CDK19: variants seen among roughly 807,000 people sequenced by gnomAD.
CDK19 encodes the protein cyclin dependent kinase 19.
A neutral mutation model predicts 68.3 loss-of-function variants in CDK19; 20 were observed. The observed-to-expected ratio is 0.29, with a 90% CI of 0.21 to 0.43. The LOEUF (loss-of-function observed/expected upper bound fraction) is 0.43, where lower values mean the gene tolerates loss of function less well. Ranked by LOEUF, CDK19 falls within the 20% of genes least tolerant of loss-of-function variation. CDK19 has a pLI of 1.00. For missense variants in CDK19, 339 were observed against 623.5 expected (o/e 0.54, Z 4.86); for synonymous variants, 221 against 222.8 (o/e 0.99, Z 0.07).
At chr6:110,767,743 TA>T (rs1314665513) in intron 1 of CDK19, among the ~76,000 whole-genome samples, 1 of 152,114 alleles carries the variant, frequency 6.6e-6, no homozygotes, top group East Asian at 1.9e-4. Flanking sequence ...ATTTGATCAT[TA>T]CACATTGTAT....
At chr6:110,744,940 G>A (rs1421441694) in intron 2 of CDK19, among the ~76,000 whole-genome samples, 3 of 152,174 alleles carry the variant, frequency 2.0e-5, no homozygotes, top group Non-Finnish European at 4.4e-5. Context: ...ACATGGAACT[G>A]TGGGCAATAT....
intron 2 of CDK19, among the ~76,000 whole-genome samples, chr6:110,721,264 T>C (rs372218260): frequency 6.6e-6 from 1 of 151,758 alleles, no homozygotes; most frequent in Admixed American, 6.6e-5. Flanking sequence ...AATTAATTAA[T>C]TAATTAATAA....
intron 2 of CDK19, among the ~76,000 whole-genome samples, chr6:110,739,001 T>C (rs1766548668): frequency 1.3e-5 from 2 of 152,206 alleles, no homozygotes; most frequent in East Asian, 1.9e-4. Context: ...GATGGATATA[T>C]ACACTGAGAA....
intron 2 of CDK19, among the ~76,000 whole-genome samples, chr6:110,740,780 G>A (rs1777597989): frequency 6.6e-6 from 1 of 152,110 alleles, no homozygotes; most frequent in Admixed American, 6.6e-5. Context: ...TAATATAATG[G>A]TATGTAGAAG....
chr6:110,728,156 C>T (rs1035582304), intron 2 of CDK19, among the ~76,000 whole-genome samples: 11 of 151,932 alleles, frequency 7.2e-5, no homozygotes, highest in African/African-American at 1.7e-4. Context: ...GGCATGGTGG[C>T]GTGCACCTGT....
At chr6:110,752,535 CCTTTT>C (rs1034000509) in intron 1 of CDK19, among the ~76,000 whole-genome samples, 41 of 152,296 alleles carry the variant, frequency 2.7e-4, no homozygotes, top group African/African-American at 8.7e-4. Flanking sequence ...GCTTTCCTTT[CCTTTT>C]CTGACAAAAA....
Position 110,781,119 on chromosome 6 carries a change from C to T in CDK19, c.128+33890G>A, listed in dbSNP as rs142929053. Reference sequence around the variant, plus strand: ...CGTTGCTATAAAGGAATACCTCAAACTGGCTAATTTATAAAGAAAAGAATT... The same window carrying T: ...CGTTGCTATAAAGGAATACCTCAAATTGGCTAATTTATAAAGAAAAGAATT... On this transcript the variant is annotated intron_variant, in intron 1 of 12. Transcript: ENST00000368911. 2.0e-3 allele frequency among the ~76,000 whole-genome samples: 308 copies of T among 152,228 alleles called. 2 individuals are homozygous for T. The highest frequency in any genetic ancestry group is 7.3e-3 in the African/African-American group (303 of 41,538).
chr6:110,749,550 G>T (rs1778319203), intron 1 of CDK19, among the ~76,000 whole-genome samples: 1 of 151,990 alleles, frequency 6.6e-6, no homozygotes. Context: ...TGTAAAGATG[G>T]GGTTTCGCCA....
intron 2 of CDK19, among the ~76,000 whole-genome samples, chr6:110,703,482 G>A (rs568328420): frequency 2.0e-5 from 3 of 152,042 alleles, no homozygotes; most frequent in Non-Finnish European, 4.4e-5. Context: ...CATAATTTCT[G>A]AAAATTCAGA....
At chr6:110,693,144 C>A (rs776935938) in intron 2 of CDK19, among the ~76,000 whole-genome samples, 1 of 152,184 alleles carries the variant, frequency 6.6e-6, no homozygotes, top group African/African-American at 2.4e-5. Flanking sequence ...GACAGAACAG[C>A]GTGTGGAGAC....
chr6:110,743,009 G>A (rs1470869122), intron 2 of CDK19, among the ~76,000 whole-genome samples: 4 of 151,980 alleles, frequency 2.6e-5, no homozygotes, highest in African/African-American at 4.8e-5. Flanking sequence ...CAGACCTACC[G>A]ATATGTGATG....
chr6:110,708,255 GT>G (rs1774678152), intron 2 of CDK19, among the ~76,000 whole-genome samples: 1 of 152,138 alleles, frequency 6.6e-6, no homozygotes, highest in Non-Finnish European at 1.5e-5. Context: ...GGTCCACACT[GT>G]TCCAGACCAT....
intron 1 of CDK19, among the ~76,000 whole-genome samples, chr6:110,751,687 G>A (rs989969067): frequency 1.3e-5 from 2 of 152,106 alleles, no homozygotes; most frequent in Non-Finnish European, 2.9e-5. Flanking sequence ...CACTGCCTTA[G>A]AAGACAAACA....
At chr6:110,694,188 GA>G (rs1391380758) in intron 2 of CDK19, among the ~76,000 whole-genome samples, 1 of 151,648 alleles carries the variant, frequency 6.6e-6, no homozygotes, top group Non-Finnish European at 1.5e-5. Context: ...CCACTTGAAA[GA>G]TACAGGATGA....
intron 4 of CDK19, among the ~76,000 whole-genome samples, chr6:110,654,868 G>T (rs1021998199): frequency 2.0e-5 from 3 of 151,914 alleles, no homozygotes; most frequent in African/African-American, 7.3e-5. Context: ...TTGAACCCGG[G>T]AGGTGGAGGT....
chr6:110,794,068 T>G (rs1296524457), intron 1 of CDK19, among the ~76,000 whole-genome samples: 1 of 152,112 alleles, frequency 6.6e-6, no homozygotes, highest in Non-Finnish European at 1.5e-5. Context: ...TGTTTTAAGA[T>G]GGAGTCTCGC....
chr6:110,644,419 T>C (rs1164713063), intron 4 of CDK19, among the ~76,000 whole-genome samples: 5 of 151,440 alleles, frequency 3.3e-5, no homozygotes, highest in Non-Finnish European at 7.4e-5. Flanking sequence ...GCACAAAAAA[T>C]AGAAAGAATA....
Position 110,724,590 on chromosome 6 carries a change from A to T in CDK19, c.204+21536T>A, listed in dbSNP as rs900108483. Among the ~76,000 whole-genome samples the T allele has an allele frequency of 1.3e-5, 2 of 152,190 alleles. 1 individual carries two copies. On this transcript the variant is annotated intron_variant, in intron 2 of 12. Coordinates refer to ENST00000368911, the MANE Select transcript of CDK19 (RefSeq NM_015076.5). ...GTTTAGGATAGGCTGGCAGAGAGGC[A>T]AGGAGAACAGACACTAAAGTTTAGG...
chr6:110,711,490 G>A (rs572613757), intron 2 of CDK19, among the ~76,000 whole-genome samples: 5 of 151,976 alleles, frequency 3.3e-5, no homozygotes, highest in African/African-American at 4.8e-5. Context: ...ACAAATTTAC[G>A]TATCAATTAA....
Sources: gnomAD v4.1 joint callset for allele counts (sites outside exome capture counted in the v4.1 genomes callset) on GRCh38, gnomAD v4.1.1 for gene constraint, MANE v1.5 for transcripts, NCBI Gene and HGNC (gene_info 2026-07-23, HGNC 2026-07-21) for gene names.